Variants in LIN54 observed in about 807,000 individuals in gnomAD.
The protein encoded by LIN54 is lin-54 DREAM MuvB core complex component, also known as protein lin-54 homolog.
In LIN54, 9 loss-of-function variants were observed where a neutral mutation model predicts 78.7. That is an observed-to-expected ratio of 0.11 (90% CI 0.07 to 0.20). The LOEUF (loss-of-function observed/expected upper bound fraction) is 0.20, where lower values mean the gene tolerates loss of function less well. Among genes scored for constraint, LIN54 ranks in the 10% least tolerant of loss-of-function variants. The pLI, the probability that LIN54 is intolerant of heterozygous loss-of-function variation, is 1.00. For missense variants in LIN54, 573 were observed against 889.9 expected (o/e 0.64, Z 4.53); for synonymous variants, 269 against 318.4 (o/e 0.84, Z 1.65).
At chr4:82,981,966 C>T (rs1726702753) in intron 2 of LIN54, among the ~76,000 whole-genome samples, 1 of 151,988 alleles carries the variant, frequency 6.6e-6, no homozygotes, top group South Asian at 2.1e-4. Flanking sequence ...CTTGGGGGGT[C>T]AAGGCTGCAG....
chr4:82,931,347 A>G (rs563567638), intron 11 of LIN54, among the ~76,000 whole-genome samples: 2 of 152,214 alleles, frequency 1.3e-5, no homozygotes, highest in African/African-American at 4.8e-5. Context: ...GTGGCTGTAC[A>G]ACGTTTGTGG....
chr4:82,965,922 C>A (rs1380471885), intron 4 of LIN54, among the ~76,000 whole-genome samples: 5 of 152,142 alleles, frequency 3.3e-5, no homozygotes, highest in Admixed American at 6.5e-5. Flanking sequence ...TTCAGCAAAT[C>A]CTCACTTTTT....
intron 3 of LIN54, among the ~76,000 whole-genome samples, chr4:82,974,932 G>A (rs1194545565): frequency 6.6e-6 from 1 of 151,716 alleles, no homozygotes; most frequent in African/African-American, 2.4e-5. Context: ...GGGGAAGGAA[G>A]AATAAGGAGT....
At chr4:83,012,232 A>G (rs1729893101), upstream of LIN54, among the ~76,000 whole-genome samples, 1 of 152,058 alleles carries the variant, frequency 6.6e-6, no homozygotes, top group African/African-American at 2.4e-5. Flanking sequence ...TGGCCAAGCT[A>G]AGTCCCGGCC....
At chr4:82,959,174 G>A (rs1254541070) in intron 4 of LIN54, among the ~76,000 whole-genome samples, 1 of 151,864 alleles carries the variant, frequency 6.6e-6, no homozygotes, top group African/African-American at 2.4e-5. Flanking sequence ...CAAAAAAAAG[G>A]ACGTAAATTG....
At chr4:82,944,451 T>C (rs765248238) in intron 5 of LIN54, among the ~76,000 whole-genome samples, 1 of 152,184 alleles carries the variant, frequency 6.6e-6, no homozygotes, top group African/African-American at 2.4e-5. Context: ...ATTGAGAGAA[T>C]ATAAAATTTG....
chr4:82,995,217 G>A (rs1484967354), intron 1 of LIN54, among the ~76,000 whole-genome samples: 1 of 151,868 alleles, frequency 6.6e-6, no homozygotes, highest in African/African-American at 2.4e-5. Flanking sequence ...GGAGGAAAGT[G>A]TAATCTCAGA....
In LIN54 at chr4:82,936,128, C is replaced by G. The variant is rs1374829356; in HGVS notation, c.1708-10G>C. On this transcript the variant is annotated splice_polypyrimidine_tract_variant and intron_variant, in intron 10 of 12. Coordinates refer to ENST00000340417, the MANE Select transcript of LIN54 (RefSeq NM_194282.4). Reference sequence around the variant, plus strand: ...TTCTGTCAAGGCATGCCTAGCAAAACAGATCAAATATCAGTTAGAGTTAAA... The same window carrying G: ...TTCTGTCAAGGCATGCCTAGCAAAAGAGATCAAATATCAGTTAGAGTTAAA... 1.2e-6 allele frequency: 2 copies of G among 1,613,924 alleles called. No homozygotes were observed. The highest frequency in any genetic ancestry group is 1.1e-5 in the South Asian group (1 of 91,078).
intron 1 of LIN54, among the ~76,000 whole-genome samples, chr4:82,999,771 C>T (rs1252075029): frequency 2.4e-5 from 2 of 82,814 alleles, no homozygotes; most frequent in Non-Finnish European, 4.5e-5. Flanking sequence ...GGGCGAGACT[C>T]TGTCTCAAAA....
chr4:83,010,430 C>CCAAAAA, intron 1 of LIN54, 54 bp downstream of exon 1: 4 of 576,998 alleles, frequency 6.9e-6, no homozygotes, highest in Non-Finnish European at 6.7e-6. Context: ...CCCATCCCCC[C>CCAAAAA]AAATAAAGAG....
chr4:83,002,301 T>A (rs1728912317), intron 1 of LIN54, among the ~76,000 whole-genome samples: 1 of 151,266 alleles, frequency 6.6e-6, no homozygotes, highest in African/African-American at 2.4e-5. Flanking sequence ...CTTGGGAGAC[T>A]GAGGCATGAG....
At chr4:82,947,864 T>C (rs926729788) in intron 4 of LIN54, among the ~76,000 whole-genome samples, 5 of 152,218 alleles carry the variant, frequency 3.3e-5, no homozygotes, top group African/African-American at 4.8e-5. Context: ...GGAGGAAATA[T>C]GTATTCACTA....
chr4:83,008,606 CGCGCCACTGCACTCTAGCCT>C lies in LIN54; in HGVS notation c.-33+1858_-33+1877del, dbSNP rs1397683962. 6.7e-4 allele frequency among the ~76,000 whole-genome samples: 102 copies of C among 152,182 alleles called. 1 individual carries two copies. The highest frequency in any genetic ancestry group is 5.2e-3 in the Admixed American group (79 of 15,280). On this transcript the variant is annotated intron_variant, in intron 1 of 12. Transcript: ENST00000340417. ...CGCGGAGCTTGCAGGGAGCCAAGAT[CGCGCCACTGCACTCTAGCCT>C]GCGCCACTGCACTCTAGCCTGGGCG...
chr4:83,002,475 G>A lies in LIN54; in HGVS notation c.-33+8009C>T, dbSNP rs184267464. Among the ~76,000 whole-genome samples, 443 of 144,642 alleles carry A rather than the reference G, an allele frequency of 3.1e-3. 4 individuals are homozygous for A. Among genetic ancestry groups the A allele is most frequent in the African/African-American group, 0.011 (419 of 39,572 alleles). 94.9% of individuals were successfully genotyped at this position (144,642 alleles called of 152,430 possible). A position where few individuals can be genotyped will look rare whatever the true frequency, so the allele number is the denominator to read the frequency against. On this transcript the variant is annotated intron_variant, in intron 1 of 12. Coordinates refer to ENST00000340417, the MANE Select transcript of LIN54 (RefSeq NM_194282.4). ...AGGGAAGGAGGAAGGAGGGAGGAGGGAAGGAGGGAGGGAGGCAGGGGAAAA... is the reference window on the plus strand; with the variant it reads ...AGGGAAGGAGGAAGGAGGGAGGAGGAAAGGAGGGAGGGAGGCAGGGGAAAA...
At chr4:82,998,937 A>G (rs1421653422) in intron 1 of LIN54, among the ~76,000 whole-genome samples, 1 of 152,236 alleles carries the variant, frequency 6.6e-6, no homozygotes, top group African/African-American at 2.4e-5. Flanking sequence ...CAAACAAATT[A>G]TATCATTTGC....
chr4:82,929,539 T>C (rs1578475148), intron 12 of LIN54, among the ~76,000 whole-genome samples: 1 of 152,102 alleles, frequency 6.6e-6, no homozygotes, highest in African/African-American at 2.4e-5. Context: ...GCATGGTAGC[T>C]CATGCCTGTA....
intron 3 of LIN54, among the ~76,000 whole-genome samples, chr4:82,975,176 G>A (rs1270166687): frequency 6.6e-6 from 1 of 151,838 alleles, no homozygotes; most frequent in East Asian, 1.9e-4. Context: ...TGGCCAAAAT[G>A]GTGAAACCCC....
At chr4:82,948,021 A>G (rs988116781) in intron 4 of LIN54, among the ~76,000 whole-genome samples, 1 of 152,198 alleles carries the variant, frequency 6.6e-6, no homozygotes, top group African/African-American at 2.4e-5. Flanking sequence ...ATAAGCAAAA[A>G]CCAGATTCAA....
Position 82,984,575 on chromosome 4 carries a change from T to C in LIN54, c.270A>G (p.Thr90=), listed in dbSNP as rs1421402896. 2 of 1,614,212 alleles carry C rather than the reference T, an allele frequency of 1.2e-6. No individual in the cohort carries two copies. The highest frequency in any genetic ancestry group is 3.3e-5 in the Admixed American group (2 of 60,026). ...TTITKADSNT[T]VKPAFPSGLQ... The stretch of plus-strand genomic sequence containing the variant: ...GGCCACTTGGAAAAGCTGGTTTCAC[T>C]GTGGTATTAGAATCTGCTTTAGTAA... The change falls in exon 2 of 13, where the codon ACA becomes ACG. Residue 90 remains threonine (T), a synonymous_variant. Transcript: ENST00000340417.
Sources: gnomAD v4.1 joint callset for allele counts (sites outside exome capture counted in the v4.1 genomes callset) on GRCh38, gnomAD v4.1.1 for gene constraint, MANE v1.5 for transcripts, NCBI Gene and HGNC (gene_info 2026-07-23, HGNC 2026-07-21) for gene names.